DIPK1B: variants seen among roughly 807,000 people sequenced by gnomAD.
DIPK1B encodes family with sequence similarity 69 member B.
DIPK1B carries 17 observed loss-of-function variants against 20.7 expected under a neutral mutation model. That is an observed-to-expected ratio of 0.82 (90% CI 0.56 to 1.23). DIPK1B has a LOEUF of 1.23. Among genes scored for constraint, DIPK1B ranks in the 50% most tolerant of loss-of-function variants. The pLI, the probability that DIPK1B is intolerant of heterozygous loss-of-function variation, is 0.00. For missense variants in DIPK1B, 648 were observed against 601.8 expected (o/e 1.08, Z -0.80); for synonymous variants, 343 against 276.5 (o/e 1.24, Z -2.39).
At chr9:136,717,825 G>T (rs1425804048) in intron 2 of DIPK1B, 114 bp downstream of exon 2, 2 of 1,499,852 alleles carry the variant, frequency 1.3e-6, no homozygotes, top group African/African-American at 2.7e-5. Context: ...CACGAGGCAC[G>T]TGGGTTTCTA....
At chr9:136,713,918 C>G (rs1846460843) in intron 1 of DIPK1B, among the ~76,000 whole-genome samples, 1 of 152,218 alleles carries the variant, frequency 6.6e-6, no homozygotes, top group African/African-American at 2.4e-5. Context: ...GGCTGAGGAC[C>G]ACTGTGCTGT....
chr9:136,720,139 C>A (rs1288277409), intron 2 of DIPK1B, among the ~76,000 whole-genome samples: 1 of 152,016 alleles, frequency 6.6e-6, no homozygotes, highest in South Asian at 2.1e-4. Context: ...GGTCTGGGGA[C>A]GGGAGTGGAC....
Position 136,723,912 on chromosome 9 carries a change from T to A in DIPK1B, c.*138T>A. On this transcript the variant is annotated 3_prime_UTR_variant, in exon 5 of 5. Coordinates refer to ENST00000371692, the MANE Select transcript of DIPK1B (RefSeq NM_152421.4). ...ACTCCCCTACCGTCAGGGCTCTGGA[T>A]TCCAGCACCACAGACATGAGACCCC... The A allele has an allele frequency of 1.1e-6, 1 of 894,804 alleles. No homozygotes were observed. The highest frequency in any genetic ancestry group is 1.7e-6 in the Non-Finnish European group (1 of 601,932). The allele number at this position is 894,804 out of a possible 1,614,324, so 55.4% of individuals were successfully genotyped here.
chr9:136,714,666 C>G (rs1253573875), intron 1 of DIPK1B, among the ~76,000 whole-genome samples: 1 of 152,230 alleles, frequency 6.6e-6, no homozygotes, highest in Non-Finnish European at 1.5e-5. Flanking sequence ...AGCAAGTCTG[C>G]CGGAAACAGA....
chr9:136,720,382 C>T (rs536145384), intron 2 of DIPK1B, among the ~76,000 whole-genome samples: 1 of 152,108 alleles, frequency 6.6e-6, no homozygotes, highest in Non-Finnish European at 1.5e-5. Flanking sequence ...CCCTGGAGGG[C>T]GGGGTGTTCC....
intron 1 of DIPK1B, among the ~76,000 whole-genome samples, chr9:136,717,244 A>G (rs553538948): frequency 6.6e-5 from 10 of 150,976 alleles, no homozygotes; most frequent in Admixed American, 2.0e-4. Flanking sequence ...AAAAAAAAAA[A>G]TTTCATTCAG....
chr9:136,716,664 G>A (rs959417415), intron 1 of DIPK1B, among the ~76,000 whole-genome samples: 1 of 152,036 alleles, frequency 6.6e-6, no homozygotes, highest in African/African-American at 2.4e-5. Flanking sequence ...GCCTCCCCGA[G>A]TGCTGGGTTT....
chr9:136,721,679 G>A (rs1001552213), intron 2 of DIPK1B: 18 of 525,462 alleles, frequency 3.4e-5, no homozygotes, highest in Admixed American at 1.9e-4. Flanking sequence ...CCTGTTACAG[G>A]AGCCAGGATG....
intron 1 of DIPK1B, among the ~76,000 whole-genome samples, chr9:136,716,034 C>T (rs1041604818): frequency 2.0e-5 from 3 of 152,008 alleles, no homozygotes; most frequent in South Asian, 2.1e-4. Context: ...CTGGGGACCT[C>T]GTGTAAGTGG....
rs777292248 is a variant in DIPK1B at position 136,722,254 on chromosome 9, G to A, written c.436G>A (p.Gly146Ser). The A allele has an allele frequency of 2.5e-6, 4 of 1,613,866 alleles. No individual in the cohort carries two copies. The South Asian group carries it at 3.3e-5, about 13-fold the overall frequency. The change falls in exon 4 of 5, where the codon GGC (glycine) becomes AGC (serine). Residue 146 changes from glycine (G) to serine (S), a missense_variant. Gly to Ser is a moderately conservative substitution (Grantham distance 56). Coordinates refer to ENST00000371692, the MANE Select transcript of DIPK1B (RefSeq NM_152421.4). Reference protein sequence around the residue: ...ELVLFDKPTRGTSIKEFREMT... With the variant: ...ELVLFDKPTRSTSIKEFREMT... ...GGTACTGTTTGACAAGCCCACCCGG[G>A]GCACCTCCATCAAGGAATTCCGGGA...
Position 136,723,696 on chromosome 9 carries a change from G to A in DIPK1B, c.1218G>A (p.Val406=). ...CGCTGAGCGGGCTGGCCAGCCAGGT[G>A]GAGGCCCATCACTCGCTGGTGCTCA... is the stretch of plus-strand genomic sequence containing the variant. ...CTTLSGLASQ[V]EAHHSLVLSH... is the part of the protein sequence containing the mutation. The change falls in exon 5 of 5, where the codon GTG becomes GTA. Residue 406 remains valine (V), a synonymous_variant. Transcript: ENST00000371692. The A allele has an allele frequency of 6.5e-7, 1 of 1,539,912 alleles. No homozygotes were observed. The highest frequency in any genetic ancestry group is 2.0e-5 in the Admixed American group (1 of 51,080).
chr9:136,717,910 G>A (rs1286776001), intron 2 of DIPK1B, among the ~76,000 whole-genome samples, 199 bp downstream of exon 2: 3 of 151,064 alleles, frequency 2.0e-5, no homozygotes, highest in Admixed American at 1.3e-4. Context: ...AGACGTGCGG[G>A]GCTGCCTCAG....
Position 136,722,166 on chromosome 9 carries a change from G to C in DIPK1B, c.348G>C (p.Lys116Asn), listed in dbSNP as rs766133719. Reference protein sequence around the residue: ...GLWRDKDVTIKCGIEETLDSK... With the variant: ...GLWRDKDVTINCGIEETLDSK... ...GGCGGGACAAGGATGTAACCATCAAGTGTGGCATTGAGGAGACCCTCGACT... is the reference window on the plus strand; with the variant it reads ...GGCGGGACAAGGATGTAACCATCAACTGTGGCATTGAGGAGACCCTCGACT... Residue 116 changes from lysine to asparagine, a missense_variant, in exon 4 of 5, where the codon AAG becomes AAC. Transcript: ENST00000371692. 2 of 1,613,926 alleles carry C rather than the reference G, an allele frequency of 1.2e-6. No homozygotes were observed. Among genetic ancestry groups the C allele is most frequent in the Admixed American group, 1.7e-5 (1 of 60,002 alleles).
rs1200523384 is a variant in DIPK1B, at chr9:136,712,727, A to C, written c.62A>C (p.Gln21Pro). The C allele has an allele frequency of 1.5e-6, 2 of 1,349,522 alleles. No homozygotes were observed. Among genetic ancestry groups the C allele is most frequent in the Admixed American group, 3.6e-5 (1 of 27,790 alleles). 83.6% of individuals were successfully genotyped at this position (1,349,522 alleles called of 1,614,324 possible). A position where few individuals can be genotyped will look rare whatever the true frequency, so the allele number is the denominator to read the frequency against. ...VLFCPFSKRL[Q>P]GRLPGLRVRC... Reference sequence around the variant, plus strand: ...TTCTGCCCCTTCTCCAAGCGCCTGCAGGTAAGCGCGGTGCGCGCCCGCCGC... The same window carrying C: ...TTCTGCCCCTTCTCCAAGCGCCTGCCGGTAAGCGCGGTGCGCGCCCGCCGC... The change falls in exon 1 of 5, where the codon CAG becomes CCG. Residue 21 changes from glutamine to proline, a missense_variant and splice_region_variant. Gln to Pro is a moderately conservative substitution (Grantham distance 76). Transcript: ENST00000371692. The surrounding 1 kb of genome is among the most constrained non-coding windows in gnomAD (Gnocchi z 5.6).
rs1564310200 is a variant in DIPK1B, at chr9:136,721,969, C to G, written c.247C>G (p.Leu83Val). 12 of 1,613,656 alleles carry G rather than the reference C, an allele frequency of 7.4e-6. No homozygotes were observed. Among genetic ancestry groups the G allele is most frequent in the Non-Finnish European group, 9.3e-6 (11 of 1,179,974 alleles). ...CATCTCGGGCTCCGTCTGCCAGGAC[C>G]TGTGTGAGCTGCATATGGTGGAGTG... ...GIISGSVCQD[L>V]CELHMVEWRT... The change falls in exon 3 of 5, where the codon CTG becomes GTG. Residue 83 changes from leucine (L) to valine (V), a missense_variant. Leu to Val is a conservative substitution (Grantham distance 32). Coordinates refer to ENST00000371692, the MANE Select transcript of DIPK1B (RefSeq NM_152421.4).
At chr9:136,716,300 G>A (rs1228016227) in intron 1 of DIPK1B, among the ~76,000 whole-genome samples, 4 of 136,996 alleles carry the variant, frequency 2.9e-5, no homozygotes, top group Admixed American at 2.4e-4. Flanking sequence ...ACAGGGTCTC[G>A]CTTTCTCACC....
At chr9:136,720,764 G>A (rs1260874154) in intron 2 of DIPK1B, 10 of 152,402 alleles carry the variant, frequency 6.6e-5, no homozygotes, top group South Asian at 2.1e-4. Flanking sequence ...CACTGGCCTC[G>A]GAGGGCTGGG....
At chr9:136,715,877 G>C (rs1846489263) in intron 1 of DIPK1B, among the ~76,000 whole-genome samples, 1 of 152,150 alleles carries the variant, frequency 6.6e-6, no homozygotes, top group African/African-American at 2.4e-5. Flanking sequence ...CTGTTTAAGG[G>C]CACAGTTTAG....
rs1025231316 is a variant in DIPK1B at position 136,724,464 on chromosome 9, C to T, written c.*690C>T. Among the ~76,000 whole-genome samples, 3 of 152,220 alleles carry T rather than the reference C, an allele frequency of 2.0e-5. No individual in the cohort carries two copies. Among genetic ancestry groups the T allele is most frequent in the African/African-American group, 7.2e-5 (3 of 41,446 alleles). On this transcript the variant is annotated 3_prime_UTR_variant, in exon 5 of 5. Coordinates refer to ENST00000371692, the MANE Select transcript of DIPK1B (RefSeq NM_152421.4). ...CTTCTCCAGCCCCGTACGCTCTCCC[C>T]AGTAGCCCAGGGCACCCAGCAACCA...
Sources: gnomAD v4.1 joint callset for allele counts (sites outside exome capture counted in the v4.1 genomes callset) on GRCh38, gnomAD v4.1.1 for gene constraint, Gnocchi (gnomAD v3.1) non-coding constraint, MANE v1.5 for transcripts, NCBI Gene and HGNC (gene_info 2026-07-23, HGNC 2026-07-21) for gene names.